ADAMTS19: variants seen among roughly 807,000 people sequenced by gnomAD.
ADAMTS19 encodes A disintegrin and metalloproteinase with thrombospondin motifs 19.
Under a neutral mutation model 153.3 loss-of-function variants are expected in ADAMTS19, and 93 were observed. The ratio of observed to expected loss-of-function variants is 0.61; its 90% CI spans 0.51 to 0.72. The LOEUF is 0.72. Ranked by LOEUF, ADAMTS19 falls within the 30% of genes least tolerant of loss-of-function variation. The probability of loss-of-function intolerance (pLI) is 0.00; values close to 1 mark genes in which losing one functional copy is unlikely to be tolerated. For missense variants in ADAMTS19, 1,482 were observed against 1,552.1 expected, an observed-to-expected ratio of 0.95 and a Z score of 0.76; for synonymous variants, 600 against 556.6, an observed-to-expected ratio of 1.08 and a Z score of -1.10.
chr5:129,713,232 G>T lies in ADAMTS19; in HGVS notation c.3312+8841G>T, dbSNP rs1339682800. On this transcript the variant is annotated intron_variant, in intron 21 of 22. Transcript: ENST00000274487. ...AGGGGGTGAGCAGGTATGTTCACAT[G>T]AACAAATATGAGAATTTGATATGAA... Among the ~76,000 whole-genome samples the T allele has an allele frequency of 4.6e-5, 7 of 152,286 alleles. No individual in the cohort carries two copies. The East Asian group carries it at 1.4e-3, about 29-fold the overall frequency.
At chr5:129,712,120 G>T (rs1313376544) in intron 21 of ADAMTS19, among the ~76,000 whole-genome samples, 1 of 152,002 alleles carries the variant, frequency 6.6e-6, no homozygotes, top group Non-Finnish European at 1.5e-5. Flanking sequence ...TTCTAATTAT[G>T]TCTGCAAATA....
intron 7 of ADAMTS19, among the ~76,000 whole-genome samples, chr5:129,585,198 C>T (rs1036396742): frequency 2.0e-5 from 3 of 151,504 alleles, no homozygotes; most frequent in African/African-American, 7.3e-5. Context: ...ATGCCCTGCC[C>T]GCTTCTGCTT....
intron 21 of ADAMTS19, among the ~76,000 whole-genome samples, chr5:129,709,738 T>A (rs539022617): frequency 4.6e-5 from 7 of 152,270 alleles, no homozygotes; most frequent in African/African-American, 1.7e-4. Flanking sequence ...AGAAAGACAA[T>A]ACAAGATTTA....
intron 7 of ADAMTS19, among the ~76,000 whole-genome samples, chr5:129,556,972 C>G (rs1270847409): frequency 6.6e-6 from 1 of 152,166 alleles, no homozygotes. Context: ...TGCAATATTA[C>G]AAGCAGCCAT....
At chr5:129,639,998 A>T (rs914484449) in intron 10 of ADAMTS19, among the ~76,000 whole-genome samples, 4 of 152,226 alleles carry the variant, frequency 2.6e-5, no homozygotes, top group African/African-American at 9.6e-5. Context: ...AATATGATTT[A>T]TAGGCATTCT....
At chr5:129,593,754 A>C (rs1750252405) in intron 7 of ADAMTS19, among the ~76,000 whole-genome samples, 1 of 152,182 alleles carries the variant, frequency 6.6e-6, no homozygotes, top group African/African-American at 2.4e-5. Flanking sequence ...ACTAGGATGA[A>C]TATCACTCAA....
At chr5:129,496,281 C>A (rs1430950692) in intron 2 of ADAMTS19, among the ~76,000 whole-genome samples, 2 of 152,026 alleles carry the variant, frequency 1.3e-5, no homozygotes, top group East Asian at 3.9e-4. Context: ...AAGTAAATTT[C>A]TTAATTACTG....
intron 2 of ADAMTS19, among the ~76,000 whole-genome samples, chr5:129,494,732 G>T (rs937467108): frequency 6.6e-6 from 1 of 152,124 alleles, no homozygotes; most frequent in East Asian, 1.9e-4. Context: ...CTATATTATC[G>T]ATGGCCATAT....
At position 129,461,460 on chromosome 5, in the gene ADAMTS19, TC is replaced by T; in HGVS notation, c.455del (p.Pro152ArgfsTer98). 6.9e-7 allele frequency: 1 copy of T among 1,452,874 alleles called. No homozygotes were observed. Among genetic ancestry groups the T allele is most frequent in the Non-Finnish European group, 9.0e-7 (1 of 1,112,776 alleles). The allele number at this position is 1,452,874 out of a possible 1,614,324, so 90.0% of individuals were successfully genotyped here. On this transcript the variant is annotated frameshift_variant, in exon 2 of 23. Transcript: ENST00000274487. LOFTEE classifies it high-confidence loss of function. This position sits in a 1 kb window ranked among gnomAD's most constrained non-coding sequence, Gnocchi z 4.6. ...CCCCGGCCTCGTGGCAGCCGCCGCC[TC>T]CCCCGCAGCCGCCCCCGTCCCCGCC... The part of the protein sequence containing the change: ...GAPASWQPPP[P>X]PQPPPSPPPA...
At chr5:129,710,839 A>C (rs1300616417) in intron 21 of ADAMTS19, among the ~76,000 whole-genome samples, 3 of 152,178 alleles carry the variant, frequency 2.0e-5, no homozygotes, top group African/African-American at 7.2e-5. Flanking sequence ...TGACTAGATA[A>C]CACTGTTTTG....
chr5:129,716,093 G>T (rs975164223), intron 21 of ADAMTS19, among the ~76,000 whole-genome samples: 3 of 152,132 alleles, frequency 2.0e-5, no homozygotes, highest in Non-Finnish European at 2.9e-5. Flanking sequence ...CTGAATCAGA[G>T]GGAGTTGAGA....
chr5:129,574,239 C>T (rs1035554361), intron 7 of ADAMTS19, among the ~76,000 whole-genome samples: 14 of 151,970 alleles, frequency 9.2e-5, no homozygotes, highest in South Asian at 2.1e-4. Context: ...ACAATTCTAC[C>T]GGTGGGAAAA....
chr5:129,719,970 G>A (rs2127197338), intron 21 of ADAMTS19, among the ~76,000 whole-genome samples: 1 of 152,146 alleles, frequency 6.6e-6, no homozygotes. Context: ...AACCTGGGAG[G>A]CAGAGATTGC....
intron 2 of ADAMTS19, among the ~76,000 whole-genome samples, chr5:129,468,553 C>T (rs150654100): frequency 0.12 from 18,183 of 151,746 alleles, 1,205 homozygotes; most frequent in Middle Eastern, 0.17. Flanking sequence ...GGGGTTTCAC[C>T]GTGTTGCCCA....
At chr5:129,512,107 G>A (rs955446264) in intron 3 of ADAMTS19, among the ~76,000 whole-genome samples, 5 of 152,012 alleles carry the variant, frequency 3.3e-5, no homozygotes, top group African/African-American at 1.2e-4. Flanking sequence ...TTATCTTCAA[G>A]TGACATTATC....
intron 7 of ADAMTS19, among the ~76,000 whole-genome samples, chr5:129,554,234 A>G (rs1753235918): frequency 2.0e-5 from 3 of 152,160 alleles, no homozygotes; most frequent in African/African-American, 7.2e-5. Flanking sequence ...ATTTATAAAG[A>G]TATTTGTGAG....
intron 3 of ADAMTS19, among the ~76,000 whole-genome samples, chr5:129,523,782 A>G (rs1751908275): frequency 6.6e-6 from 1 of 152,162 alleles, no homozygotes; most frequent in Non-Finnish European, 1.5e-5. Flanking sequence ...TTCAAGGAGA[A>G]TTGAAAACTA....
chr5:129,616,541 C>T (rs1349080715), intron 8 of ADAMTS19, among the ~76,000 whole-genome samples: 2 of 152,024 alleles, frequency 1.3e-5, no homozygotes, highest in Non-Finnish European at 2.9e-5. Flanking sequence ...AATCCAAATG[C>T]TTCTCCAGCT....
At chr5:129,714,374 G>A (rs1189652775) in intron 21 of ADAMTS19, among the ~76,000 whole-genome samples, 1 of 144,768 alleles carries the variant, frequency 6.9e-6, no homozygotes, top group Non-Finnish European at 1.5e-5. Flanking sequence ...AGCCGAGATT[G>A]CGCCACTGCA....
Sources: allele counts gnomAD v4.1 joint callset (sites outside exome capture counted in the v4.1 genomes callset), GRCh38; gene constraint gnomAD v4.1.1; non-coding constraint Gnocchi (gnomAD v3.1); transcripts MANE v1.5; gene names NCBI Gene and HGNC (gene_info 2026-07-23, HGNC 2026-07-21).